PRIM2: variants seen among roughly 807,000 people sequenced by gnomAD.
PRIM2 encodes DNA primase large subunit.
Under a neutral mutation model 67.3 loss-of-function variants are expected in PRIM2, and 39 were observed. The observed-to-expected ratio is 0.58, with a 90% CI of 0.45 to 0.76. PRIM2 has a LOEUF of 0.76. PRIM2 is among the 30% of genes least tolerant of loss of function. The pLI is 0.00. For synonymous variants in PRIM2, 143 were observed against 198.7 expected (o/e 0.72, Z 2.36); for missense variants, 398 against 598.7 (o/e 0.66, Z 3.50).
chr6:57,593,653 A>G (rs1776319820), intron 10 of PRIM2, among the ~76,000 whole-genome samples: 1 of 152,218 alleles, frequency 6.6e-6, no homozygotes, highest in Non-Finnish European at 1.5e-5. Context: ...GGATATGAAG[A>G]CCTAGAAAGT....
intron 7 of PRIM2, among the ~76,000 whole-genome samples, chr6:57,471,444 G>C (rs1464416152): frequency 5.9e-5 from 9 of 152,126 alleles, no homozygotes; most frequent in Admixed American, 2.0e-4. Flanking sequence ...AGAAAAATTA[G>C]TAATAAAAGA....
chr6:57,328,390 C>T (rs1767945751), intron 5 of PRIM2, among the ~76,000 whole-genome samples: 1 of 152,176 alleles, frequency 6.6e-6, no homozygotes, highest in African/African-American at 2.4e-5. Flanking sequence ...CACTAACCTG[C>T]TTTCTGTCTC....
chr6:57,246,716 T>C, the PRIM2 span, among the ~76,000 whole-genome samples: 9 of 152,202 alleles, frequency 5.9e-5, no homozygotes, highest in Admixed American at 5.9e-4. Context: ...CAGCCCACCG[T>C]TGCAAGGAGA....
At chr6:57,519,651 A>C (rs1334237906) in intron 8 of PRIM2, among the ~76,000 whole-genome samples, 100 of 152,242 alleles carry the variant, frequency 6.6e-4, no homozygotes, top group African/African-American at 2.4e-3. Context: ...CATGCTGTAC[A>C]ATTTGTGCAG....
the PRIM2 span, among the ~76,000 whole-genome samples, chr6:57,297,600 G>GATTAT: frequency 3.3e-5 from 5 of 152,178 alleles, no homozygotes; most frequent in African/African-American, 1.2e-4. Context: ...GATAGTCACA[G>GATTAT]ATTATAAACG....
intron 7 of PRIM2, among the ~76,000 whole-genome samples, chr6:57,432,913 T>C (rs1168061443): frequency 6.6e-6 from 1 of 152,240 alleles, no homozygotes; most frequent in East Asian, 1.9e-4. Context: ...CTAGAAGCAG[T>C]TAGGACTTTT....
intron 7 of PRIM2, among the ~76,000 whole-genome samples, chr6:57,441,942 T>A (rs1772214998): frequency 2.6e-5 from 4 of 152,098 alleles, no homozygotes; most frequent in African/African-American, 9.7e-5. Flanking sequence ...CAGTTGTTTT[T>A]TATATTTCTA....
the PRIM2 span, among the ~76,000 whole-genome samples, chr6:57,273,764 A>G: frequency 6.6e-6 from 1 of 151,698 alleles, no homozygotes; most frequent in Non-Finnish European, 1.5e-5. Flanking sequence ...GGTTTTATCT[A>G]CCTTTGGTCT....
chr6:57,454,325 T>C (rs1053984422), intron 7 of PRIM2, among the ~76,000 whole-genome samples: 1 of 152,236 alleles, frequency 6.6e-6, no homozygotes, highest in South Asian at 2.1e-4. Context: ...GAGGATTCCC[T>C]CTTTTTCTAT....
chr6:57,417,935 T>C (rs1771324147), intron 7 of PRIM2, among the ~76,000 whole-genome samples: 1 of 152,162 alleles, frequency 6.6e-6, no homozygotes, highest in Non-Finnish European at 1.5e-5. Context: ...GGCAAGTATA[T>C]GTGCAGCCAT....
chr6:57,293,968 T>A, the PRIM2 span, among the ~76,000 whole-genome samples: 8,753 of 151,618 alleles, frequency 0.058, 267 homozygotes, highest in Non-Finnish European at 0.072. Context: ...AAGTATAATT[T>A]AAAAAAAAGA....
intron 8 of PRIM2, among the ~76,000 whole-genome samples, chr6:57,522,626 C>T (rs1436516932): frequency 6.6e-6 from 1 of 152,050 alleles, no homozygotes; most frequent in Non-Finnish European, 1.5e-5. Flanking sequence ...GTAGCTGGGA[C>T]TACAGATATG....
intron 7 of PRIM2, among the ~76,000 whole-genome samples, chr6:57,478,777 G>A (rs1197938810): frequency 2.6e-5 from 4 of 152,208 alleles, no homozygotes; most frequent in African/African-American, 7.2e-5. Context: ...CTGTAAAGTA[G>A]TTATCATTTT....
At chr6:57,414,447 C>CCTTT (rs1771193783) in intron 7 of PRIM2, among the ~76,000 whole-genome samples, 1 of 152,060 alleles carries the variant, frequency 6.6e-6, no homozygotes, top group East Asian at 1.9e-4. Flanking sequence ...AAAATAGAAA[C>CCTTT]CTTTAAACCT....
chr6:57,255,214 T>A, the PRIM2 span, among the ~76,000 whole-genome samples: 1 of 151,996 alleles, frequency 6.6e-6, no homozygotes, highest in Non-Finnish European at 1.5e-5. Context: ...TTACTCTCCA[T>A]TGGGCCGGGT....
intron 13 of PRIM2, among the ~76,000 whole-genome samples, chr6:57,633,194 A>G (rs1777063559): frequency 1.3e-5 from 2 of 152,212 alleles, no homozygotes; most frequent in African/African-American, 2.4e-5. Context: ...CTCCAAGTCC[A>G]ATTCAGTCCT....
intron 5 of PRIM2, among the ~76,000 whole-genome samples, chr6:57,347,874 A>T (rs1768729191): frequency 6.6e-6 from 1 of 152,240 alleles, no homozygotes. Flanking sequence ...GTTACTAAAT[A>T]TATGAGTAGA....
At chr6:57,237,325 A>G in the PRIM2 span, among the ~76,000 whole-genome samples, 1 of 152,222 alleles carries the variant, frequency 6.6e-6, no homozygotes, top group African/African-American at 2.4e-5. Context: ...GCCCTTTGTC[A>G]GATGGGTAGA....
intron 4 of PRIM2, among the ~76,000 whole-genome samples, chr6:57,325,127 A>G (rs1246547981): frequency 6.6e-6 from 1 of 152,186 alleles, no homozygotes; most frequent in East Asian, 1.9e-4. Context: ...TGTGCATATT[A>G]AATTTTGTGA....
Sources: gnomAD v4.1 joint callset for allele counts (sites outside exome capture counted in the v4.1 genomes callset) on GRCh38, gnomAD v4.1.1 for gene constraint, MANE v1.5 for transcripts, NCBI Gene and HGNC (gene_info 2026-07-23, HGNC 2026-07-21) for gene names.